B3GLCT: variants seen among roughly 807,000 people sequenced by gnomAD.
B3GLCT encodes the protein beta 3-glucosyltransferase.
Under a neutral mutation model 63.4 loss-of-function variants are expected in B3GLCT, and 65 were observed. That is an observed-to-expected ratio of 1.03 (90% CI 0.84 to 1.26). The LOEUF (loss-of-function observed/expected upper bound fraction) is 1.26. B3GLCT is among the 50% of genes most tolerant of loss of function. The pLI is 0.00. For missense variants in B3GLCT, 577 were observed against 604.8 expected (o/e 0.95, Z 0.48); for synonymous variants, 233 against 219.2 (o/e 1.06, Z -0.55).
chr13:31,310,793 T>C (rs1874666029), intron 12 of B3GLCT, among the ~76,000 whole-genome samples: 1 of 152,244 alleles, frequency 6.6e-6, no homozygotes, highest in African/African-American at 2.4e-5. Flanking sequence ...GCTCCGCAGT[T>C]GCTGGCATCT....
At position 31,264,836 on chromosome 13, in the gene B3GLCT, C is replaced by A. The variant is rs138712099; in HGVS notation, c.596+3754C>A. ...ATTATTAGCTATATCAATTAGCATGCTTTTGGATGCAAGTAATAGGAAGCA... is the reference window on the plus strand; with the variant it reads ...ATTATTAGCTATATCAATTAGCATGATTTTGGATGCAAGTAATAGGAAGCA... On this transcript the variant is annotated intron_variant, in intron 7 of 14. Transcript: ENST00000343307. 6.0e-3 allele frequency among the ~76,000 whole-genome samples: 916 copies of A among 152,280 alleles called. 12 individuals are homozygous for A. Among genetic ancestry groups the A allele is most frequent in the African/African-American group, 0.021 (872 of 41,546 alleles).
chr13:31,312,577 A>G (rs1874774184), intron 12 of B3GLCT: 1 of 152,222 alleles, frequency 6.6e-6, no homozygotes, highest in African/African-American at 2.4e-5. Context: ...AGTAAACAAG[A>G]TATAGTAGAA....
intron 12 of B3GLCT, among the ~76,000 whole-genome samples, chr13:31,293,857 A>G (rs945062849): frequency 1.3e-5 from 2 of 152,202 alleles, no homozygotes; most frequent in Non-Finnish European, 2.9e-5. Context: ...TTATGATGCT[A>G]GCTGGTTATT....
intron 12 of B3GLCT, among the ~76,000 whole-genome samples, chr13:31,314,437 AGACATG>A (rs1874886305): frequency 6.6e-6 from 1 of 152,224 alleles, no homozygotes; most frequent in Non-Finnish European, 1.5e-5. Flanking sequence ...CCTGGATGTG[AGACATG>A]GAGTCAAAGG....
intron 1 of B3GLCT, among the ~76,000 whole-genome samples, chr13:31,214,688 A>G (rs892939115): frequency 1.9e-4 from 29 of 152,230 alleles, no homozygotes; most frequent in Non-Finnish European, 3.1e-4. Context: ...CTGGATTCTC[A>G]GGAATTCCCC....
At chr13:31,263,143 C>T (rs192940854) in intron 7 of B3GLCT, among the ~76,000 whole-genome samples, 1 of 152,314 alleles carries the variant, frequency 6.6e-6, no homozygotes, top group East Asian at 1.9e-4. Flanking sequence ...TTCTTCATCA[C>T]TGCCTTCTGA....
Position 31,260,990 on chromosome 13 carries a change from A to G in B3GLCT, c.504A>G (p.Ile168Met), listed in dbSNP as rs116639305. The G allele has an allele frequency of 9.5e-5, 153 of 1,614,032 alleles. No individual in the cohort carries two copies. Among genetic ancestry groups the G allele is most frequent in the Non-Finnish European group, 1.3e-4 (149 of 1,179,934 alleles). ...GKALHDEEAT[I>M]IHHYAFSENP... ...CATTACATGATGAAGAAGCTACAAT[A>G]ATTCACCATTATGCCTTTTCCGAGA... The change falls in exon 7 of 15, where the codon ATA becomes ATG. Residue 168 changes from isoleucine to methionine, a missense_variant. By Grantham distance (10) the Ile-to-Met change is conservative. Transcript: ENST00000343307.
At chr13:31,255,304 A>G (rs535667498) in intron 6 of B3GLCT, among the ~76,000 whole-genome samples, 1 of 152,302 alleles carries the variant, frequency 6.6e-6, no homozygotes, top group East Asian at 1.9e-4. Context: ...ATAAGAGAGG[A>G]CACAAACAAA....
At chr13:31,320,221 G>A (rs974220819) in intron 13 of B3GLCT, among the ~76,000 whole-genome samples, 8 of 152,162 alleles carry the variant, frequency 5.3e-5, no homozygotes, top group Admixed American at 1.3e-4. Context: ...CTCCAAGAGT[G>A]TGAACCTTTT....
At chr13:31,212,734 G>A (rs568343952) in intron 1 of B3GLCT, among the ~76,000 whole-genome samples, 1 of 152,298 alleles carries the variant, frequency 6.6e-6, no homozygotes, top group South Asian at 2.1e-4. Context: ...TTGAATCAAA[G>A]TCATGAGTTA....
intron 3 of B3GLCT, among the ~76,000 whole-genome samples, chr13:31,224,591 C>T (rs1286749049): frequency 6.6e-6 from 1 of 152,052 alleles, no homozygotes; most frequent in African/African-American, 2.4e-5. Flanking sequence ...GCATGGCTCA[C>T]AGTCAGAGCT....
Position 31,277,978 on chromosome 13 carries a change from T to C in B3GLCT, c.850+1207T>C, listed in dbSNP as rs566009605. ...CTAAATTTAATATCCTTTTACTTTTTTCATAATATGGAAGGGTTTTGTGGG... is the reference window on the plus strand; with the variant it reads ...CTAAATTTAATATCCTTTTACTTTTCTCATAATATGGAAGGGTTTTGTGGG... On this transcript the variant is annotated intron_variant, in intron 10 of 14. Transcript: ENST00000343307. Among the ~76,000 whole-genome samples, 217 of 152,302 alleles carry C rather than the reference T, an allele frequency of 1.4e-3. 3 individuals carry two copies. Among genetic ancestry groups the C allele is most frequent in the Non-Finnish European group, 7.8e-4 (53 of 67,998 alleles).
chr13:31,313,948 C>T (rs970128535), intron 12 of B3GLCT, among the ~76,000 whole-genome samples: 19 of 152,268 alleles, frequency 1.2e-4, no homozygotes, highest in African/African-American at 4.3e-4. Context: ...CCACTCCAGC[C>T]GTGTCTAAAA....
chr13:31,249,746 T>C (rs1871343940), intron 6 of B3GLCT, among the ~76,000 whole-genome samples: 1 of 152,260 alleles, frequency 6.6e-6, no homozygotes, highest in Non-Finnish European at 1.5e-5. Flanking sequence ...CAGGATGCTT[T>C]ATTTCTTTTG....
intron 12 of B3GLCT, among the ~76,000 whole-genome samples, chr13:31,288,613 C>A (rs1328508302): frequency 6.6e-6 from 1 of 152,196 alleles, no homozygotes; most frequent in African/African-American, 2.4e-5. Context: ...CCCTAAGCCA[C>A]TGAGGAAATT....
chr13:31,292,347 C>G (rs1014656211), intron 12 of B3GLCT, among the ~76,000 whole-genome samples: 3 of 152,132 alleles, frequency 2.0e-5, no homozygotes, highest in African/African-American at 7.2e-5. Flanking sequence ...GGAGGATTCC[C>G]TCTCTTTTTA....
intron 8 of B3GLCT, among the ~76,000 whole-genome samples, chr13:31,269,957 G>C (rs1872510364): frequency 6.6e-6 from 1 of 152,058 alleles, no homozygotes; most frequent in Admixed American, 6.5e-5. Context: ...TTTACTGTTG[G>C]AGCCTGAACA....
chr13:31,203,981 T>C (rs1426184976), intron 1 of B3GLCT, among the ~76,000 whole-genome samples: 1 of 152,246 alleles, frequency 6.6e-6, no homozygotes, highest in Non-Finnish European at 1.5e-5. Context: ...TGTGGGTACC[T>C]ACTGTGTGTC....
rs1875812059 is a variant in B3GLCT at position 31,329,616 on chromosome 13, A to G, written c.1445A>G (p.Asp482Gly). The G allele has an allele frequency of 1.9e-6, 3 of 1,614,104 alleles. No individual in the cohort carries two copies. The highest frequency in any genetic ancestry group is 2.5e-6 in the Non-Finnish European group (3 of 1,180,046). The change falls in exon 15 of 15, where the codon GAC (aspartate) becomes GGC (glycine). Residue 482 changes from aspartate to glycine, a missense_variant. Coordinates refer to ENST00000343307, the MANE Select transcript of B3GLCT (RefSeq NM_194318.4). The part of the protein sequence containing the change: ...KVYFTWLAPS[D>G]EDKARQETQK... ...TATTTCACATGGTTGGCACCCAGTGACGAAGACAAAGCCAGGCAGGAGACA... is the reference window on the plus strand; with the variant it reads ...TATTTCACATGGTTGGCACCCAGTGGCGAAGACAAAGCCAGGCAGGAGACA...
Sources: gnomAD v4.1 joint callset for allele counts (sites outside exome capture counted in the v4.1 genomes callset) on GRCh38, gnomAD v4.1.1 for gene constraint, MANE v1.5 for transcripts, NCBI Gene and HGNC (gene_info 2026-07-23, HGNC 2026-07-21) for gene names.